The following NKAIN2 variants were observed in gnomAD, a reference collection of about 807,000 sequenced individuals.
NKAIN2 encodes the protein sodium/potassium-transporting ATPase subunit beta-1-interacting protein 2.
A neutral mutation model predicts 32.6 loss-of-function variants in NKAIN2; 14 were observed. The ratio of observed to expected loss-of-function variants is 0.43; its 90% CI spans 0.28 to 0.67. NKAIN2 has a LOEUF of 0.67. Among genes scored for constraint, NKAIN2 ranks in the 30% least tolerant of loss-of-function variants. The probability of loss-of-function intolerance (pLI) is 0.17; values close to 1 mark genes in which losing one functional copy is unlikely to be tolerated. For synonymous variants in NKAIN2, 80 were observed against 87.2 expected (o/e 0.92, Z 0.46); for missense variants, 198 against 258.3 (o/e 0.77, Z 1.60).
chr6:124,391,978 T>G (rs1773162569), intron 3 of NKAIN2, among the ~76,000 whole-genome samples: 1 of 152,164 alleles, frequency 6.6e-6, no homozygotes, highest in Non-Finnish European at 1.5e-5. Context: ...TCTTGTTACT[T>G]GATGCCAAAC....
At chr6:124,051,404 T>C (rs1394449436) in intron 1 of NKAIN2, among the ~76,000 whole-genome samples, 1 of 152,024 alleles carries the variant, frequency 6.6e-6, no homozygotes, top group African/African-American at 2.4e-5. Flanking sequence ...CATTTTATGA[T>C]GTTACCAGTG....
At chr6:123,832,383 A>T (rs1774423893) in intron 1 of NKAIN2, among the ~76,000 whole-genome samples, 1 of 152,198 alleles carries the variant, frequency 6.6e-6, no homozygotes, top group Admixed American at 6.5e-5. Flanking sequence ...AATGAAGGAC[A>T]TCTCAGTTGC....
At chr6:124,545,217 T>C (rs1780051782) in intron 3 of NKAIN2, among the ~76,000 whole-genome samples, 1 of 152,194 alleles carries the variant, frequency 6.6e-6, no homozygotes, top group Non-Finnish European at 1.5e-5. Context: ...TTTTAAGTCA[T>C]TTGCTCTTTA....
chr6:124,256,605 A>C (rs747983804), intron 1 of NKAIN2, among the ~76,000 whole-genome samples: 2 of 152,172 alleles, frequency 1.3e-5, no homozygotes, highest in Non-Finnish European at 2.9e-5. Flanking sequence ...AAGTCTTGGA[A>C]ATTTGAAAAA....
At chr6:124,292,915 T>C (rs919391939) in intron 2 of NKAIN2, among the ~76,000 whole-genome samples, 3 of 152,108 alleles carry the variant, frequency 2.0e-5, no homozygotes, top group South Asian at 4.1e-4. Flanking sequence ...ATTTATTTAT[T>C]AGGAAGATTT....
chr6:123,954,172 G>A (rs764717438), intron 1 of NKAIN2, among the ~76,000 whole-genome samples: 1 of 152,194 alleles, frequency 6.6e-6, no homozygotes, highest in Non-Finnish European at 1.5e-5. Flanking sequence ...GGGCTGTTTT[G>A]TGTCCTGGGC....
chr6:124,457,774 G>A (rs1203759475), intron 3 of NKAIN2, among the ~76,000 whole-genome samples: 1 of 151,838 alleles, frequency 6.6e-6, no homozygotes, highest in African/African-American at 2.4e-5. Flanking sequence ...CCATTGCCAG[G>A]TGCCAAGATG....
intron 1 of NKAIN2, among the ~76,000 whole-genome samples, chr6:124,090,714 C>T (rs910798227): frequency 2.0e-5 from 3 of 151,986 alleles, no homozygotes; most frequent in Non-Finnish European, 2.9e-5. Context: ...AAAGATACAG[C>T]CCATGTCAGG....
chr6:123,830,445 C>T (rs1393483518), intron 1 of NKAIN2, among the ~76,000 whole-genome samples: 1 of 152,154 alleles, frequency 6.6e-6, no homozygotes, highest in African/African-American at 2.4e-5. Context: ...TAATAAATTT[C>T]CCCCTGTTTG....
At chr6:124,625,586 G>GTAT (rs915365715) in intron 3 of NKAIN2, among the ~76,000 whole-genome samples, 4 of 152,208 alleles carry the variant, frequency 2.6e-5, no homozygotes, top group African/African-American at 4.8e-5. Context: ...TGCAGCAAGA[G>GTAT]TATTTTTCAA....
intron 3 of NKAIN2, among the ~76,000 whole-genome samples, chr6:124,590,518 C>T (rs982185564): frequency 6.6e-6 from 1 of 152,196 alleles, no homozygotes; most frequent in African/African-American, 2.4e-5. Context: ...GAAACGGGAA[C>T]ATGAGAGCCG....
chr6:123,934,693 C>A (rs1776419615), intron 1 of NKAIN2, among the ~76,000 whole-genome samples: 1 of 151,936 alleles, frequency 6.6e-6, no homozygotes, highest in South Asian at 2.1e-4. Context: ...GCTTCTATTT[C>A]CTAATTTGAT....
chr6:124,037,736 A>G (rs1781667933), intron 1 of NKAIN2, among the ~76,000 whole-genome samples: 1 of 152,162 alleles, frequency 6.6e-6, no homozygotes, highest in Non-Finnish European at 1.5e-5. Flanking sequence ...CCAGTCGCTA[A>G]TATTTATCTG....
chr6:124,006,110 G>A (rs1468631781), intron 1 of NKAIN2, among the ~76,000 whole-genome samples: 3 of 152,290 alleles, frequency 2.0e-5, no homozygotes, highest in South Asian at 2.1e-4. Context: ...AAGCCTCACC[G>A]TGTTTGAGGA....
intron 1 of NKAIN2, among the ~76,000 whole-genome samples, chr6:124,176,385 T>G (rs1230064844): frequency 6.6e-6 from 1 of 152,176 alleles, no homozygotes; most frequent in Admixed American, 6.5e-5. Context: ...ACTGGTTATA[T>G]TTTGAATTCT....
At chr6:124,603,985 A>T (rs1782405124) in intron 3 of NKAIN2, among the ~76,000 whole-genome samples, 1 of 152,094 alleles carries the variant, frequency 6.6e-6, no homozygotes, top group Non-Finnish European at 1.5e-5. Context: ...CTGCCATCAG[A>T]GAACAGCAAT....
intron 1 of NKAIN2, among the ~76,000 whole-genome samples, chr6:123,898,955 T>G (rs1202456626): frequency 6.6e-6 from 1 of 152,188 alleles, no homozygotes; most frequent in Admixed American, 6.5e-5. Context: ...AAGACTTTTT[T>G]CTGGTGAAAA....
At chr6:124,038,388 T>C (rs928798264) in intron 1 of NKAIN2, among the ~76,000 whole-genome samples, 3 of 152,010 alleles carry the variant, frequency 2.0e-5, no homozygotes, top group African/African-American at 7.2e-5. Flanking sequence ...ATAATTTCTG[T>C]ATTTTTAGTA....
intron 1 of NKAIN2, among the ~76,000 whole-genome samples, chr6:124,177,713 A>C (rs1298122153): frequency 6.6e-6 from 1 of 152,068 alleles, no homozygotes; most frequent in Non-Finnish European, 1.5e-5. Context: ...TAAAGGAGGA[A>C]GCTCTCAAAA....
Sources: allele counts gnomAD v4.1 joint callset (sites outside exome capture counted in the v4.1 genomes callset), GRCh38; gene constraint gnomAD v4.1.1; transcripts MANE v1.5; gene names NCBI Gene and HGNC (gene_info 2026-07-23, HGNC 2026-07-21).